LINGO2: variants seen among roughly 807,000 people sequenced by gnomAD.
The protein encoded by LINGO2 is leucine-rich repeat and immunoglobulin-like domain-containing nogo receptor-interacting protein 2.
Under a neutral mutation model 30.6 loss-of-function variants are expected in LINGO2, and 14 were observed. The ratio of observed to expected loss-of-function variants is 0.46; its 90% confidence interval spans 0.30 to 0.72. The LOEUF (loss-of-function observed/expected upper bound fraction) is 0.72. Ranked by LOEUF, LINGO2 falls within the 30% of genes least tolerant of loss-of-function variation. The probability of loss-of-function intolerance (pLI) is 0.07; values close to 1 mark genes in which losing one functional copy is unlikely to be tolerated. For missense variants in LINGO2, 729 were observed against 751.7 expected, an observed-to-expected ratio of 0.97 and a Z score of 0.35; for synonymous variants, 317 against 288.5, an observed-to-expected ratio of 1.10 and a Z score of -1.00.
chr9:28,545,091 T>C (rs1477017185), intron 1 of LINGO2, among the ~76,000 whole-genome samples: 1 of 152,086 alleles, frequency 6.6e-6, no homozygotes, highest in East Asian at 1.9e-4. Context: ...CAAGGGAGGC[T>C]TGCTAAGGGT....
At chr9:28,309,875 G>T (rs1250587944) in intron 3 of LINGO2, among the ~76,000 whole-genome samples, 1 of 151,844 alleles carries the variant, frequency 6.6e-6, no homozygotes, top group East Asian at 1.9e-4. Flanking sequence ...TCACCAAAGA[G>T]GCTACATGGA....
At chr9:28,240,009 A>C (rs35488898) in intron 4 of LINGO2, among the ~76,000 whole-genome samples, 21,271 of 152,122 alleles carry the variant, frequency 0.14, 1,761 homozygotes, top group African/African-American at 0.24. Flanking sequence ...GTGAAAAATA[A>C]ATTAAAAAGT....
intron 4 of LINGO2, among the ~76,000 whole-genome samples, chr9:28,286,510 A>G (rs1056372674): frequency 2.0e-5 from 3 of 152,324 alleles, no homozygotes; most frequent in Admixed American, 1.3e-4. Context: ...ACATGCACAC[A>G]TATGTTCCTT....
chr9:28,381,746 C>A (rs1299608244), intron 2 of LINGO2, among the ~76,000 whole-genome samples: 2 of 152,148 alleles, frequency 1.3e-5, no homozygotes, highest in East Asian at 3.9e-4. Context: ...GAAAGGTGGT[C>A]TTGTACTGAC....
At chr9:27,956,883 A>G (rs1819597064) in intron 5 of LINGO2, among the ~76,000 whole-genome samples, 1 of 152,122 alleles carries the variant, frequency 6.6e-6, no homozygotes, top group South Asian at 2.1e-4. Context: ...GCTTGAAGCC[A>G]TGAGTTTGAG....
intron 1 of LINGO2, among the ~76,000 whole-genome samples, chr9:28,492,667 T>C (rs537890207): frequency 6.6e-6 from 1 of 152,184 alleles, no homozygotes; most frequent in Admixed American, 6.6e-5. Context: ...CATTGAAAGG[T>C]TTCAGCTAAA....
At chr9:28,822,346 G>C in the LINGO2 span, among the ~76,000 whole-genome samples, 1 of 152,126 alleles carries the variant, frequency 6.6e-6, no homozygotes, top group Non-Finnish European at 1.5e-5. Context: ...TCACAATATG[G>C]AAGTTTTAAC....
chr9:28,598,612 T>C (rs1262719621), intron 1 of LINGO2: 5 of 152,182 alleles, frequency 3.3e-5, no homozygotes, highest in Non-Finnish European at 7.3e-5. Context: ...GCCAGTTCAG[T>C]GGTGTGAGCA....
intron 3 of LINGO2, among the ~76,000 whole-genome samples, chr9:28,368,683 C>A (rs936318482): frequency 6.6e-6 from 1 of 151,504 alleles, no homozygotes; most frequent in South Asian, 2.1e-4. Flanking sequence ...TGCAAGCTCC[C>A]CCTCCCGAGT....
the LINGO2 span, among the ~76,000 whole-genome samples, chr9:28,884,838 T>TATATATATAC: frequency 7.2e-6 from 1 of 138,000 alleles, no homozygotes; most frequent in Non-Finnish European, 1.5e-5. Flanking sequence ...TTAGCAATTG[T>TATATATATAC]ATATATATAC....
At chr9:28,595,129 T>C (rs1825114690) in intron 1 of LINGO2, among the ~76,000 whole-genome samples, 1 of 152,090 alleles carries the variant, frequency 6.6e-6, no homozygotes, top group African/African-American at 2.4e-5. Context: ...ACAATCCTCT[T>C]GAGCTCAGGC....
At chr9:28,288,940 C>A (rs1823619140) in intron 4 of LINGO2, among the ~76,000 whole-genome samples, 2 of 152,144 alleles carry the variant, frequency 1.3e-5, no homozygotes, top group South Asian at 4.1e-4. Context: ...TCAGAGATCT[C>A]ATCTTTTATA....
At chr9:28,698,055 T>C in the LINGO2 span, among the ~76,000 whole-genome samples, 3 of 151,998 alleles carry the variant, frequency 2.0e-5, 1 homozygote, top group South Asian at 6.2e-4. Flanking sequence ...TATGAACAAA[T>C]TAGACTCAGA....
At chr9:28,539,931 G>C (rs997611541) in intron 1 of LINGO2, among the ~76,000 whole-genome samples, 11 of 151,912 alleles carry the variant, frequency 7.2e-5, no homozygotes, top group African/African-American at 2.7e-4. Flanking sequence ...GATCCCACAG[G>C]CTCCACTAGC....
At chr9:28,470,188 G>A (rs1349999944) in intron 2 of LINGO2, among the ~76,000 whole-genome samples, 2 of 152,136 alleles carry the variant, frequency 1.3e-5, no homozygotes, top group Non-Finnish European at 2.9e-5. Flanking sequence ...ATACAATAAT[G>A]AGAGTGTATT....
chr9:29,135,889 A>G, the LINGO2 span, among the ~76,000 whole-genome samples: 1 of 152,078 alleles, frequency 6.6e-6, no homozygotes, highest in Admixed American at 6.6e-5. Context: ...TCTTTTTGTG[A>G]CTGGCTTATT....
the LINGO2 span, among the ~76,000 whole-genome samples, chr9:28,696,574 A>G: frequency 6.6e-6 from 1 of 151,902 alleles, no homozygotes; most frequent in East Asian, 1.9e-4. Context: ...TAATACTACA[A>G]TAATGAAGCT....
the LINGO2 span, among the ~76,000 whole-genome samples, chr9:28,835,213 G>A: frequency 1.3e-5 from 2 of 152,116 alleles, no homozygotes; most frequent in East Asian, 3.9e-4. Context: ...GGAAACAAAA[G>A]ATTCTTGATA....
the LINGO2 span, among the ~76,000 whole-genome samples, chr9:29,114,182 T>C: frequency 3.3e-5 from 5 of 151,366 alleles, no homozygotes; most frequent in Non-Finnish European, 5.9e-5. Context: ...ATATATATAT[T>C]TTTTTTAAGC....
Sources: allele counts gnomAD v4.1 joint callset (sites outside exome capture counted in the v4.1 genomes callset), GRCh38; gene constraint gnomAD v4.1.1; transcripts MANE v1.5; gene names NCBI Gene and HGNC (gene_info 2026-07-23, HGNC 2026-07-21).